The following IL1RAP variants were observed in gnomAD, a reference collection of about 807,000 sequenced individuals.
The protein encoded by IL1RAP is interleukin 1 receptor accessory protein, also known as interleukin-1 receptor accessory protein.
IL1RAP carries 35 observed loss-of-function variants against 60.7 expected under a neutral mutation model. That is an observed-to-expected ratio of 0.58 (90% CI 0.44 to 0.76). IL1RAP has a LOEUF of 0.76. IL1RAP is among the 30% of genes least tolerant of loss of function. IL1RAP has a pLI of 0.00. For synonymous variants in IL1RAP, 268 were observed against 250.9 expected (o/e 1.07, Z -0.64); for missense variants, 572 against 693.9 (o/e 0.82, Z 1.97).
At chr3:190,520,264 G>C (rs1179606071) in intron 1 of IL1RAP, among the ~76,000 whole-genome samples, 1 of 152,176 alleles carries the variant, frequency 6.6e-6, no homozygotes, top group Non-Finnish European at 1.5e-5. Flanking sequence ...CGGATGATGG[G>C]TTCATATTAT....
chr3:190,607,360 A>T (rs1321314812), intron 4 of IL1RAP, among the ~76,000 whole-genome samples: 1 of 152,168 alleles, frequency 6.6e-6, no homozygotes, highest in Non-Finnish European at 1.5e-5. Context: ...TTTTACATCC[A>T]TTCCATTTAT....
At chr3:190,568,635 A>G (rs751791226) in intron 3 of IL1RAP, among the ~76,000 whole-genome samples, 1 of 152,194 alleles carries the variant, frequency 6.6e-6, no homozygotes, top group Admixed American at 6.5e-5. Flanking sequence ...TAAAGGGGTC[A>G]TTTCATCACT....
chr3:190,643,661 G>T (rs754004693), intron 9 of IL1RAP, among the ~76,000 whole-genome samples: 1 of 152,168 alleles, frequency 6.6e-6, no homozygotes, highest in Non-Finnish European at 1.5e-5. Flanking sequence ...TCAGCATCTG[G>T]TGGATGTCCT....
intron 1 of IL1RAP, among the ~76,000 whole-genome samples, chr3:190,521,928 C>T (rs1490836691): frequency 6.9e-6 from 1 of 144,676 alleles, no homozygotes; most frequent in Non-Finnish European, 1.5e-5. Context: ...AAATATTTTG[C>T]TTTAGTTTGG....
At chr3:190,589,028 C>T (rs189199850) in intron 3 of IL1RAP, among the ~76,000 whole-genome samples, 11 of 152,252 alleles carry the variant, frequency 7.2e-5, no homozygotes, top group Admixed American at 1.3e-4. Flanking sequence ...TCAGGCATTC[C>T]CTAGCCCCTC....
In IL1RAP at chr3:190,582,171, C is replaced by A. The variant is rs565430301; in HGVS notation, c.64+17818C>A. Among the ~76,000 whole-genome samples the A allele has an allele frequency of 3.9e-5, 6 of 152,238 alleles. No individual in the cohort carries two copies. In the East Asian group the frequency reaches 1.2e-3, roughly 29 times the overall value. On this transcript the variant is annotated intron_variant, in intron 3 of 11. Transcript: ENST00000447382. The stretch of plus-strand genomic sequence containing the variant: ...CATTCTGTAGTTTGAGATTTAAGAG[C>A]CTCTGAAACAAGTTTCCTTTCTATT...
At chr3:190,588,422 T>A (rs2108702844) in intron 3 of IL1RAP, among the ~76,000 whole-genome samples, 1 of 152,330 alleles carries the variant, frequency 6.6e-6, no homozygotes, top group Non-Finnish European at 1.5e-5. Context: ...TACATCTTTC[T>A]AAGCAACCAT....
intron 1 of IL1RAP, among the ~76,000 whole-genome samples, chr3:190,554,049 A>G (rs1725159290): frequency 8.5e-6 from 1 of 117,594 alleles, no homozygotes; most frequent in African/African-American, 3.3e-5. Flanking sequence ...CGACAGAGCG[A>G]GACTCCGTCT....
intron 1 of IL1RAP, among the ~76,000 whole-genome samples, chr3:190,548,688 TACCC>T (rs756164640): frequency 2.6e-5 from 4 of 152,202 alleles, no homozygotes; most frequent in Non-Finnish European, 5.9e-5. Flanking sequence ...TGTAGGTATC[TACCC>T]AGAGGTTTTA....
chr3:190,576,372 TTA>T (rs1375682337), intron 3 of IL1RAP, among the ~76,000 whole-genome samples: 3 of 106,300 alleles, frequency 2.8e-5, no homozygotes, highest in Non-Finnish European at 3.8e-5. Context: ...CAAGGAGCTA[TTA>T]TATATATATA....
At chr3:190,626,744 C>A (rs1331356014) in intron 7 of IL1RAP, among the ~76,000 whole-genome samples, 1 of 142,364 alleles carries the variant, frequency 7.0e-6, no homozygotes, top group Non-Finnish European at 1.5e-5. Flanking sequence ...AGTCTTGGCT[C>A]ACTGCAACCT....
intron 5 of IL1RAP, among the ~76,000 whole-genome samples, chr3:190,616,968 A>G (rs1731334002): frequency 6.6e-6 from 1 of 152,224 alleles, no homozygotes; most frequent in African/African-American, 2.4e-5. Flanking sequence ...ATAATAATGT[A>G]GTTTAAGTAC....
intron 1 of IL1RAP, among the ~76,000 whole-genome samples, chr3:190,538,753 A>G (rs887803046): frequency 5.3e-5 from 8 of 152,080 alleles, no homozygotes; most frequent in African/African-American, 1.7e-4. Context: ...CATGGGAGGG[A>G]CCCAGTGGCA....
At chr3:190,603,370 G>A (rs1043864276) in intron 3 of IL1RAP, among the ~76,000 whole-genome samples, 1 of 152,178 alleles carries the variant, frequency 6.6e-6, no homozygotes, top group Non-Finnish European at 1.5e-5. Flanking sequence ...TGAAACTGTA[G>A]CACCTTTAGT....
intron 9 of IL1RAP, among the ~76,000 whole-genome samples, chr3:190,638,751 T>A (rs1255295606): frequency 6.6e-6 from 1 of 152,152 alleles, no homozygotes; most frequent in Non-Finnish European, 1.5e-5. Flanking sequence ...ATGAATGGTG[T>A]GTAGTAGAAA....
At chr3:190,563,341 T>C (rs1344898471) in intron 2 of IL1RAP, 2 of 152,182 alleles carry the variant, frequency 1.3e-5, no homozygotes, top group Non-Finnish European at 2.9e-5. Context: ...AGCATTCTTA[T>C]ATGGCTGTTA....
At chr3:190,544,244 C>T (rs1724186285) in intron 1 of IL1RAP, among the ~76,000 whole-genome samples, 2 of 152,254 alleles carry the variant, frequency 1.3e-5, no homozygotes, top group South Asian at 4.1e-4. Context: ...CCTCTGTTTT[C>T]TGACTTTTTC....
chr3:190,564,532 G>A (rs1170537148), intron 3 of IL1RAP, 179 bp downstream of exon 3: 10 of 618,080 alleles, frequency 1.6e-5, no homozygotes, highest in Admixed American at 7.4e-5. Flanking sequence ...AACCATTGCT[G>A]TCTCTAGTCT....
intron 1 of IL1RAP, among the ~76,000 whole-genome samples, chr3:190,524,101 A>G (rs1722308675): frequency 6.6e-6 from 1 of 152,026 alleles, no homozygotes; most frequent in South Asian, 2.1e-4. Flanking sequence ...TTTGATTTGA[A>G]TTTCTCTAAT....
Sources: allele counts gnomAD v4.1 joint callset (sites outside exome capture counted in the v4.1 genomes callset), GRCh38; gene constraint gnomAD v4.1.1; transcripts MANE v1.5; gene names NCBI Gene and HGNC (gene_info 2026-07-23, HGNC 2026-07-21).